LAMC3: variants seen among roughly 807,000 people sequenced by gnomAD.
LAMC3 encodes the protein laminin subunit gamma 3.
In LAMC3, 128 loss-of-function variants were observed where a neutral mutation model predicts 173.8. That is an observed-to-expected ratio of 0.74 (90% CI 0.64 to 0.85). The LOEUF is 0.85. Among genes scored for constraint, LAMC3 ranks in the 40% least tolerant of loss-of-function variants. The pLI, the probability that LAMC3 is intolerant of heterozygous loss-of-function variation, is 0.00. For missense variants in LAMC3, 2,022 were observed against 2,156.0 expected (o/e 0.94, Z 1.23); for synonymous variants, 897 against 909.1 (o/e 0.99, Z 0.24).
chr9:131,022,971 C>G (rs1833653856), intron 1 of LAMC3, among the ~76,000 whole-genome samples: 1 of 151,996 alleles, frequency 6.6e-6, no homozygotes. Context: ...AACCACCTGT[C>G]TCCTTCCTGT....
In LAMC3 at chr9:131,075,894, C is replaced by T; in HGVS notation, c.3558C>T (p.Thr1186=). The stretch of plus-strand genomic sequence containing the variant: ...GGAGGGCCCTGCTCGCCTCCAACAC[C>T]AGCTACGCGCTTCTCTGGAATCTGC... ...TAWRALLASN[T]SYALLWNLLE... is the part of the protein sequence containing the mutation. The change falls in exon 21 of 28, where the codon ACC becomes ACT. Residue 1186 remains threonine (T), a synonymous_variant. Coordinates refer to ENST00000361069, the MANE Select transcript of LAMC3 (RefSeq NM_006059.4). The T allele has an allele frequency of 6.2e-7, 1 of 1,612,578 alleles. No homozygotes were observed. The highest frequency in any genetic ancestry group is 8.5e-7 in the Non-Finnish European group (1 of 1,179,228).
chr9:131,011,508 G>T (rs919532451), intron 1 of LAMC3, among the ~76,000 whole-genome samples: 8 of 152,192 alleles, frequency 5.3e-5, no homozygotes, highest in Non-Finnish European at 1.2e-4. Context: ...TTGGAGTGGG[G>T]TGCGGGGAGG....
In LAMC3 at chr9:131,067,758, C is replaced by G. The variant is rs10901340; in HGVS notation, c.2594-320C>G. Among the ~76,000 whole-genome samples the G allele has an allele frequency of 0.75, 114,226 of 152,066 alleles. 44,083 individuals carry two copies. The highest frequency in any genetic ancestry group is 0.84 in the Non-Finnish European group (56,937 of 67,982). On this transcript the variant is annotated intron_variant, in intron 14 of 27. Transcript: ENST00000361069. ...GGCCAGGAGAACAGGGTCACGGGAC[C>G]CAGAGCCATGGGTGCAGGGCTGTGC... is the stretch of plus-strand genomic sequence containing the variant.
intron 27 of LAMC3, among the ~76,000 whole-genome samples, chr9:131,089,812 C>T (rs114199160): frequency 1.8e-3 from 273 of 152,294 alleles, no homozygotes; most frequent in African/African-American, 6.1e-3. Flanking sequence ...ATGCTCTACA[C>T]GTTGTCTGGA....
In LAMC3 at chr9:131,041,616, CT is replaced by C. The variant is rs1323345663; in HGVS notation, c.1284-19del. 6 of 1,610,404 alleles carry C rather than the reference CT, an allele frequency of 3.7e-6. No individual in the cohort carries two copies. Among genetic ancestry groups the C allele is most frequent in the Non-Finnish European group, 5.1e-6 (6 of 1,177,556 alleles). On this transcript the variant is annotated intron_variant, in intron 6 of 27. Coordinates refer to ENST00000361069, the MANE Select transcript of LAMC3 (RefSeq NM_006059.4). The stretch of plus-strand genomic sequence containing the variant: ...GAATTTGCTCATTGCACATTTTCCT[CT>C]TGTCCTGTCTCATTGGCAGACCCTG...
At chr9:131,077,056 C>A in intron 21 of LAMC3, 131 bp from the exon 22 acceptor site, 1 of 1,225,634 alleles carries the variant, frequency 8.2e-7, no homozygotes, top group Non-Finnish European at 1.2e-6. Flanking sequence ...GCTGTACCTA[C>A]CCCGCAGAGG....
At position 131,069,828 on chromosome 9, in the gene LAMC3, G is replaced by A; in HGVS notation, c.3047G>A (p.Cys1016Tyr). 6.3e-7 allele frequency: 1 copy of A among 1,591,874 alleles called. No homozygotes were observed. The highest frequency in any genetic ancestry group is 8.6e-7 in the Non-Finnish European group (1 of 1,168,888). ...DGTHCQQCPSCYALVKEEAAK... is the reference protein window; with the variant it reads ...DGTHCQQCPSYYALVKEEAAK... Reference sequence around the variant, plus strand: ...ACACACTGCCAGCAATGTCCGTCCTGCTACGCCCTGGTGAAGGAGGAGGTG... The same window carrying A: ...ACACACTGCCAGCAATGTCCGTCCTACTACGCCCTGGTGAAGGAGGAGGTG... Residue 1016 changes from cysteine (C) to tyrosine (Y), a missense_variant, in exon 17 of 28, where the codon TGC becomes TAC. Transcript: ENST00000361069.
At chr9:131,070,593 C>G (rs969728998) in intron 17 of LAMC3, among the ~76,000 whole-genome samples, 1 of 152,128 alleles carries the variant, frequency 6.6e-6, no homozygotes, top group Non-Finnish European at 1.5e-5. Flanking sequence ...CACCTGTAAT[C>G]CCAGCTACTC....
At chr9:131,054,501 C>T (rs1218020105) in intron 11 of LAMC3, among the ~76,000 whole-genome samples, 1 of 152,184 alleles carries the variant, frequency 6.6e-6, no homozygotes, top group East Asian at 1.9e-4. Context: ...CGCCTGTAAT[C>T]CCAGCTCTTT....
Position 131,079,150 on chromosome 9 carries a change from C to G in LAMC3, c.3779C>G (p.Pro1260Arg). The G allele has an allele frequency of 1.2e-6, 2 of 1,613,174 alleles. No homozygotes were observed. The highest frequency in any genetic ancestry group is 1.7e-6 in the Non-Finnish European group (2 of 1,179,608). Reference protein sequence around the residue: ...LALLASPGALPQKSRAEDLGL... With the variant: ...LALLASPGALRQKSRAEDLGL... ...CCTGAGCGCATTGTCTCCCTGCAGC[C>G]TCAGAAGTCCCGGGCTGAAGACCTG... The change falls in exon 23 of 28, where the codon CCT becomes CGT. Residue 1260 changes from proline (P) to arginine (R), a missense_variant and splice_region_variant. Physicochemically the swap from Pro to Arg is moderately radical, Grantham distance 103. Coordinates refer to ENST00000361069, the MANE Select transcript of LAMC3 (RefSeq NM_006059.4).
intron 25 of LAMC3, among the ~76,000 whole-genome samples, chr9:131,086,389 G>T (rs1404124738): frequency 2.0e-5 from 1 of 49,668 alleles, no homozygotes; most frequent in Non-Finnish European, 3.8e-5. Flanking sequence ...AAGGGTTTTT[G>T]GTTTTGTTTT....
In LAMC3 at chr9:131,057,012, T is replaced by C. The variant is rs768482699; in HGVS notation, c.2023T>C (p.Cys675Arg). ...PPASWVEICS[C>R]PTGYTGQFCE... Reference sequence around the variant, plus strand: ...AGCCTCCTGGGTGGAGATTTGTTCATGTCCCACTGGCTACACGGGCCAGTT... The same window carrying C: ...AGCCTCCTGGGTGGAGATTTGTTCACGTCCCACTGGCTACACGGGCCAGTT... The change falls in exon 12 of 28, where the codon TGT (cysteine) becomes CGT (arginine). Residue 675 changes from cysteine to arginine, a missense_variant. Coordinates refer to ENST00000361069, the MANE Select transcript of LAMC3 (RefSeq NM_006059.4). 5 of 1,614,058 alleles carry C rather than the reference T, an allele frequency of 3.1e-6. No homozygotes were observed. The highest frequency in any genetic ancestry group is 3.4e-6 in the Non-Finnish European group (4 of 1,180,056).
At chr9:131,028,497 C>G (rs1833768639) in intron 2 of LAMC3, among the ~76,000 whole-genome samples, 1 of 152,196 alleles carries the variant, frequency 6.6e-6, no homozygotes, top group South Asian at 2.1e-4. Context: ...AAGTTGCGTT[C>G]TGTCAGCGAT....
At chr9:131,090,347 T>C (rs1218169672) in intron 27 of LAMC3, among the ~76,000 whole-genome samples, 1 of 152,208 alleles carries the variant, frequency 6.6e-6, no homozygotes, top group Non-Finnish European at 1.5e-5. Context: ...GCCTGGCCCC[T>C]TCTCCAGGAG....
Position 131,052,923 on chromosome 9 carries a change from A to G in LAMC3, c.1897A>G (p.Thr633Ala). 1 of 1,613,390 alleles carries G rather than the reference A, an allele frequency of 6.2e-7. No individual in the cohort carries two copies. Among genetic ancestry groups the G allele is most frequent in the Non-Finnish European group, 8.5e-7 (1 of 1,179,936 alleles). ...CTTCCAGCGGCTCCTCGCCAACCTGACCAGCCTCCGCCTCCGCGTCAGTCC... is the reference window on the plus strand; with the variant it reads ...CTTCCAGCGGCTCCTCGCCAACCTGGCCAGCCTCCGCCTCCGCGTCAGTCC... Reference protein sequence around the residue: ...FHFQRLLANLTSLRLRVSPGP... With the variant: ...FHFQRLLANLASLRLRVSPGP... The change falls in exon 11 of 28, where the codon ACC (threonine) becomes GCC (alanine). Residue 633 changes from threonine to alanine, a missense_variant. Coordinates refer to ENST00000361069, the MANE Select transcript of LAMC3 (RefSeq NM_006059.4).
chr9:131,033,765 C>G (rs532883456), intron 3 of LAMC3, among the ~76,000 whole-genome samples: 63 of 152,132 alleles, frequency 4.1e-4, no homozygotes, highest in African/African-American at 1.4e-3. Context: ...CTGAACGCGA[C>G]TGAGGATGGA....
intron 1 of LAMC3, among the ~76,000 whole-genome samples, chr9:131,018,332 A>G (rs1177129979): frequency 3.9e-5 from 6 of 151,906 alleles, no homozygotes; most frequent in Admixed American, 3.9e-4. Flanking sequence ...ACGAGGTTTC[A>G]CCATGTTGCC....
chr9:131,087,303 C>T (rs945571728), intron 25 of LAMC3, among the ~76,000 whole-genome samples, 173 bp from the exon 26 acceptor site: 1 of 152,266 alleles, frequency 6.6e-6, no homozygotes, highest in Non-Finnish European at 1.5e-5. Flanking sequence ...CAGCAGTCTA[C>T]ACTGTGCCCA....
At chr9:131,064,401 C>A (rs549365416) in intron 13 of LAMC3, among the ~76,000 whole-genome samples, 7 of 152,202 alleles carry the variant, frequency 4.6e-5, no homozygotes, top group African/African-American at 7.2e-5. Flanking sequence ...CAGTGGCTCA[C>A]GCCTGTAATC....
Sources: allele counts gnomAD v4.1 joint callset (sites outside exome capture counted in the v4.1 genomes callset), GRCh38; gene constraint gnomAD v4.1.1; transcripts MANE v1.5; gene names NCBI Gene and HGNC (gene_info 2026-07-23, HGNC 2026-07-21).